Variants in MIR2052HG observed in about 807,000 individuals in gnomAD.
MIR2052HG encodes the protein MIR2052 host gene.
intron 5 of MIR2052HG, among the ~76,000 whole-genome samples, chr8:74,756,412 A>G (rs1454982802): frequency 6.6e-6 from 1 of 152,200 alleles, no homozygotes; most frequent in Non-Finnish European, 1.5e-5. Context: ...AATCACCGTG[A>G]ACATTCTGAG....
intron 2 of MIR2052HG, among the ~76,000 whole-genome samples, chr8:74,613,675 C>T (rs7010118): frequency 0.16 from 24,413 of 152,060 alleles, 3,324 homozygotes; most frequent in African/African-American, 0.37. Flanking sequence ...TTAGTAGAGA[C>T]GGGGTTTTGC....
chr8:74,666,359 C>T (rs968391650), intron 2 of MIR2052HG, among the ~76,000 whole-genome samples: 6 of 152,206 alleles, frequency 3.9e-5, no homozygotes, highest in African/African-American at 1.4e-4. Flanking sequence ...CAAAGCCCAC[C>T]CATCTAAAGT....
At chr8:74,749,407 A>T (rs563587520) in intron 4 of MIR2052HG, among the ~76,000 whole-genome samples, 1 of 152,184 alleles carries the variant, frequency 6.6e-6, no homozygotes, top group Admixed American at 6.5e-5. Flanking sequence ...AGTTAAAAAA[A>T]AAAACAAAAC....
intron 1 of MIR2052HG, chr8:74,603,656 G>A: frequency 8.5e-7 from 1 of 1,172,296 alleles, no homozygotes; most frequent in Non-Finnish European, 1.3e-6. Flanking sequence ...TGTCCTTGAA[G>A]GGTATAGGCC....
chr8:74,688,372 T>G (rs1375928125), intron 2 of MIR2052HG, among the ~76,000 whole-genome samples: 3 of 152,196 alleles, frequency 2.0e-5, no homozygotes, highest in Non-Finnish European at 4.4e-5. Flanking sequence ...GATACAGATA[T>G]AGAAGACAGT....
intron 4 of MIR2052HG, among the ~76,000 whole-genome samples, chr8:74,711,580 G>A (rs553025842): frequency 2.6e-5 from 4 of 152,194 alleles, no homozygotes; most frequent in South Asian, 2.1e-4. Flanking sequence ...ATGCCTGCTC[G>A]GCATTTGATT....
intron 2 of MIR2052HG, among the ~76,000 whole-genome samples, chr8:74,637,343 GA>G (rs1262773787): frequency 6.6e-6 from 1 of 152,038 alleles, no homozygotes; most frequent in Non-Finnish European, 1.5e-5. Context: ...TTTCTTCCAG[GA>G]TACACATGCA....
At chr8:74,630,821 G>A (rs1586897483) in intron 2 of MIR2052HG, among the ~76,000 whole-genome samples, 1 of 152,150 alleles carries the variant, frequency 6.6e-6, no homozygotes, top group East Asian at 1.9e-4. Context: ...TGACACCTCA[G>A]CTACTATGCA....
intron 2 of MIR2052HG, among the ~76,000 whole-genome samples, chr8:74,699,416 G>GTATATATA (rs139522494): frequency 1.1e-3 from 170 of 148,178 alleles, no homozygotes; most frequent in African/African-American, 3.8e-3. Context: ...GTGTGTGTGT[G>GTATATATA]TATATATATA....
rs906052221 is a variant in MIR2052HG, at chr8:74,610,887, A to G, written n.129-1966A>G. 3.9e-5 allele frequency among the ~76,000 whole-genome samples: 6 copies of G among 152,206 alleles called. No homozygotes were observed. The Middle Eastern group carries it at 0.01, about 259-fold the overall frequency. On this transcript the variant is annotated intron_variant and non_coding_transcript_variant, in intron 1 of 6. Transcript: ENST00000523442. ...GACCAAAAAGTATCAAGCTAAAAAT[A>G]CACAATCTCTAGAAGAAAACATAGG...
chr8:74,692,279 T>G (rs1009630153), intron 2 of MIR2052HG, among the ~76,000 whole-genome samples: 1 of 152,142 alleles, frequency 6.6e-6, no homozygotes, highest in Non-Finnish European at 1.5e-5. Context: ...TTAGTAGAGA[T>G]GAGGGTTTCA....
intron 5 of MIR2052HG, among the ~76,000 whole-genome samples, chr8:74,755,199 T>C (rs1366224690): frequency 6.6e-6 from 1 of 152,218 alleles, no homozygotes; most frequent in Non-Finnish European, 1.5e-5. Flanking sequence ...TTTGGGTTTT[T>C]TAAAAAAATT....
At chr8:74,723,362 A>C (rs1281990423) in intron 4 of MIR2052HG, among the ~76,000 whole-genome samples, 1 of 152,208 alleles carries the variant, frequency 6.6e-6, no homozygotes, top group Non-Finnish European at 1.5e-5. Flanking sequence ...GCTGGTAAAG[A>C]TTACAACACA....
At chr8:74,677,684 G>A (rs1035030810) in intron 2 of MIR2052HG, among the ~76,000 whole-genome samples, 6 of 152,086 alleles carry the variant, frequency 3.9e-5, no homozygotes, top group African/African-American at 1.4e-4. Flanking sequence ...AGTATAGTAT[G>A]CAGTGAAAGC....
chr8:74,668,817 G>A (rs190631816), intron 2 of MIR2052HG, among the ~76,000 whole-genome samples: 2 of 152,304 alleles, frequency 1.3e-5, no homozygotes, highest in East Asian at 1.9e-4. Context: ...CAAGTGAGGG[G>A]CTTTGGAGGA....
At chr8:74,753,509 C>T (rs1247966983) in intron 5 of MIR2052HG, among the ~76,000 whole-genome samples, 1 of 152,178 alleles carries the variant, frequency 6.6e-6, no homozygotes, top group Non-Finnish European at 1.5e-5. Context: ...ACTAAACTGA[C>T]TGTGTTCTGT....
intron 2 of MIR2052HG, among the ~76,000 whole-genome samples, chr8:74,687,926 A>G (rs1280519233): frequency 6.6e-6 from 1 of 152,140 alleles, no homozygotes; most frequent in Non-Finnish European, 1.5e-5. Context: ...TGGTGTTTGC[A>G]TATGTCTAAA....
At chr8:74,679,946 T>G (rs1368567126) in intron 2 of MIR2052HG, among the ~76,000 whole-genome samples, 1 of 152,208 alleles carries the variant, frequency 6.6e-6, no homozygotes, top group Non-Finnish European at 1.5e-5. Context: ...TGTTTTAATG[T>G]AGGTTCTACT....
chr8:74,606,058 T>A (rs1276959397), intron 1 of MIR2052HG, among the ~76,000 whole-genome samples: 1 of 152,156 alleles, frequency 6.6e-6, no homozygotes, highest in Non-Finnish European at 1.5e-5. Flanking sequence ...TAAAACAATT[T>A]TACAGAAGTA....
Sources: allele counts gnomAD v4.1 joint callset (sites outside exome capture counted in the v4.1 genomes callset), GRCh38; gene constraint gnomAD v4.1.1; transcripts MANE v1.5; gene names NCBI Gene and HGNC (gene_info 2026-07-23, HGNC 2026-07-21).